Variants in PTPN13 observed in about 807,000 individuals in gnomAD.
PTPN13 encodes the protein protein tyrosine phosphatase non-receptor type 13.
PTPN13 carries 191 observed loss-of-function variants against 284.0 expected under a neutral mutation model. The observed-to-expected ratio is 0.67, with a 90% confidence interval of 0.60 to 0.76. The LOEUF (loss-of-function observed/expected upper bound fraction) is 0.76. Ranked by LOEUF, PTPN13 falls within the 30% of genes least tolerant of loss-of-function variation. The pLI, the probability that PTPN13 is intolerant of heterozygous loss-of-function variation, is 0.00. For synonymous variants in PTPN13, 986 were observed against 1,022.3 expected, an observed-to-expected ratio of 0.96 and a Z score of 0.68; for missense variants, 2,797 against 2,939.9, an observed-to-expected ratio of 0.95 and a Z score of 1.12.
At chr4:86,750,408 A>C in intron 17 of PTPN13, 62 bp from the exon 18 acceptor site, 1 of 1,389,862 alleles carries the variant, frequency 7.2e-7, no homozygotes, top group Non-Finnish European at 9.9e-7. Flanking sequence ...TTATTAACAT[A>C]ATTATTCTCA....
intron 10 of PTPN13, among the ~76,000 whole-genome samples, chr4:86,724,857 G>T (rs1734060425): frequency 6.6e-6 from 1 of 151,210 alleles, no homozygotes. Context: ...TAGGGTACAT[G>T]TGCACAACAT....
intron 5 of PTPN13, chr4:86,690,445 A>G (rs767607383): frequency 6.6e-6 from 1 of 152,178 alleles, no homozygotes; most frequent in Non-Finnish European, 1.5e-5. Context: ...CCTTTAATAT[A>G]CTAGACTATA....
At chr4:86,714,219 A>G (rs897521972) in intron 7 of PTPN13, among the ~76,000 whole-genome samples, 1 of 152,076 alleles carries the variant, frequency 6.6e-6, no homozygotes, top group African/African-American at 2.4e-5. Context: ...AATTTCTTTA[A>G]TCTTCTCAAG....
intron 7 of PTPN13, among the ~76,000 whole-genome samples, chr4:86,713,398 A>G (rs1312351129): frequency 1.3e-5 from 2 of 152,166 alleles, no homozygotes; most frequent in African/African-American, 4.8e-5. Flanking sequence ...TATTCATTCA[A>G]TTTAAATTAG....
At chr4:86,730,463 C>T (rs1268088539) in intron 10 of PTPN13, among the ~76,000 whole-genome samples, 3 of 149,798 alleles carry the variant, frequency 2.0e-5, no homozygotes, top group African/African-American at 7.3e-5. Flanking sequence ...GGGCTCCACC[C>T]ACTTCGAGGT....
At chr4:86,694,815 G>T (rs1318704731) in intron 6 of PTPN13, among the ~76,000 whole-genome samples, 1 of 151,788 alleles carries the variant, frequency 6.6e-6, no homozygotes, top group East Asian at 1.9e-4. Flanking sequence ...TAGATCTTGG[G>T]GCTAGGTAGA....
intron 35 of PTPN13, among the ~76,000 whole-genome samples, chr4:86,777,411 C>T (rs192705791): frequency 6.6e-6 from 1 of 152,288 alleles, no homozygotes; most frequent in Non-Finnish European, 1.5e-5. Flanking sequence ...CTCCCTCTTT[C>T]ACTTATTAGG....
intron 1 of PTPN13, among the ~76,000 whole-genome samples, chr4:86,634,152 A>T (rs1722763513): frequency 6.6e-6 from 1 of 152,208 alleles, no homozygotes; most frequent in Non-Finnish European, 1.5e-5. Context: ...TAGTTGAGTA[A>T]ACAAAGTCAA....
In PTPN13 at chr4:86,680,838, C is replaced by A. The variant is rs1312130230; in HGVS notation, c.295-5872C>A. On this transcript the variant is annotated intron_variant, in intron 3 of 47. Transcript: ENST00000411767. ...TTCTGGGCTTCACTTCTTTGCATGG[C>A]AATGCCTTTCTCCCTGTTTTCAGGT... Among the ~76,000 whole-genome samples, 10 of 152,192 alleles carry A rather than the reference C, an allele frequency of 6.6e-5. No individual in the cohort carries two copies. The East Asian group carries it at 1.7e-3, about 26-fold the overall frequency.
intron 1 of PTPN13, among the ~76,000 whole-genome samples, chr4:86,621,505 G>A (rs1431405284): frequency 6.6e-6 from 1 of 151,976 alleles, no homozygotes; most frequent in African/African-American, 2.4e-5. Context: ...TAACTCATTT[G>A]AATGCAAAAC....
intron 10 of PTPN13, among the ~76,000 whole-genome samples, chr4:86,722,661 A>G (rs1486890232): frequency 6.6e-6 from 1 of 152,200 alleles, no homozygotes; most frequent in Admixed American, 6.5e-5. Flanking sequence ...ATGAATTTAG[A>G]GTGTCCTAAC....
chr4:86,719,360 T>A (rs1733390968), intron 9 of PTPN13, among the ~76,000 whole-genome samples: 1 of 152,232 alleles, frequency 6.6e-6, no homozygotes, highest in Non-Finnish European at 1.5e-5. Context: ...GTACCACATT[T>A]TCTTTATACA....
intron 7 of PTPN13, among the ~76,000 whole-genome samples, chr4:86,703,034 T>C (rs1731332504): frequency 6.6e-6 from 1 of 152,170 alleles, no homozygotes; most frequent in South Asian, 2.1e-4. Flanking sequence ...AGTTTTGCTG[T>C]ACTTTGAGTA....
At position 86,774,523 on chromosome 4, in the gene PTPN13, CT is replaced by C. The variant is rs1221358422; in HGVS notation, c.5501del (p.Leu1834ProfsTer2). Reference sequence around the variant, plus strand: ...TGGAAGGCTAAAACCTGGGGACCGGCTCATAAAGGTGAGACATTTAAGAGGA... The same window carrying C: ...TGGAAGGCTAAAACCTGGGGACCGGCCATAAAGGTGAGACATTTAAGAGGA... ...SDGRLKPGDR[L>X]IKVNDTDVTN... On this transcript the variant is annotated frameshift_variant, in exon 33 of 48. Transcript: ENST00000411767. LOFTEE classifies it high-confidence loss of function. 6.3e-7 allele frequency: 1 copy of C among 1,596,532 alleles called. No individual in the cohort carries two copies. Among genetic ancestry groups the C allele is most frequent in the Non-Finnish European group, 8.5e-7 (1 of 1,171,584 alleles).
At chr4:86,754,017 C>G (rs1268637872) in intron 20 of PTPN13, among the ~76,000 whole-genome samples, 1 of 152,014 alleles carries the variant, frequency 6.6e-6, no homozygotes, top group African/African-American at 2.4e-5. Context: ...TCAAAACTGT[C>G]AAACACCAGA....
At chr4:86,608,164 C>CT (rs1216751499) in intron 1 of PTPN13, among the ~76,000 whole-genome samples, 1 of 151,866 alleles carries the variant, frequency 6.6e-6, no homozygotes, top group Non-Finnish European at 1.5e-5. Context: ...TTAATAAAAA[C>CT]TTTCATTTAA....
At position 86,773,135 on chromosome 4, in the gene PTPN13, G is replaced by T. The variant is rs1436468903; in HGVS notation, c.5349+177G>T. Among the ~76,000 whole-genome samples the T allele has an allele frequency of 3.9e-5, 6 of 152,264 alleles. No homozygotes were observed. The East Asian group carries it at 1.2e-3, about 29-fold the overall frequency. ...GAGAAATTAGGAAATAAGGCAAAAAGACCTGAGTATAAATCCTGACTCTAC... is the reference window on the plus strand; with the variant it reads ...GAGAAATTAGGAAATAAGGCAAAAATACCTGAGTATAAATCCTGACTCTAC... On this transcript the variant is annotated intron_variant, in intron 32 of 47. Transcript: ENST00000411767.
Position 86,785,341 on chromosome 4 carries a change from A to T in PTPN13, c.6229A>T (p.Asn2077Tyr). The part of the protein sequence containing the change: ...EEAQNLLNEN[N>Y]AAGYSCGPGT... ...AGCCCAGAATCTTTTAAACGAAAATAATGCAGCAGGATACTCCTGTGGTCC... is the reference window on the plus strand; with the variant it reads ...AGCCCAGAATCTTTTAAACGAAAATTATGCAGCAGGATACTCCTGTGGTCC... Residue 2077 changes from asparagine to tyrosine, a missense_variant, in exon 39 of 48, where the codon AAT becomes TAT. Asn to Tyr is a moderately radical substitution (Grantham distance 143). Transcript: ENST00000411767. 6.2e-7 allele frequency: 1 copy of T among 1,612,052 alleles called. No homozygotes were observed. Among genetic ancestry groups the T allele is most frequent in the Non-Finnish European group, 8.5e-7 (1 of 1,178,690 alleles).
In PTPN13 at chr4:86,774,453, T is replaced by G; in HGVS notation, c.5430T>G (p.Ile1810Met). Reference protein sequence around the residue: ...GFTVTKGNQRIGCYVHDVIQD... With the variant: ...GFTVTKGNQRMGCYVHDVIQD... Reference sequence around the variant, plus strand: ...CAGTAACCAAAGGCAATCAGAGAATTGGTTGTTATGTTCATGATGTCATAC... The same window carrying G: ...CAGTAACCAAAGGCAATCAGAGAATGGGTTGTTATGTTCATGATGTCATAC... Residue 1810 changes from isoleucine (I) to methionine (M), a missense_variant, in exon 33 of 48, where the codon ATT becomes ATG. Ile to Met is a conservative substitution (Grantham distance 10). Transcript: ENST00000411767. The G allele has an allele frequency of 6.2e-7, 1 of 1,605,460 alleles. No homozygotes were observed. Among genetic ancestry groups the G allele is most frequent in the Non-Finnish European group, 8.5e-7 (1 of 1,175,646 alleles).
Sources: allele counts gnomAD v4.1 joint callset (sites outside exome capture counted in the v4.1 genomes callset), GRCh38; gene constraint gnomAD v4.1.1; transcripts MANE v1.5; gene names NCBI Gene and HGNC (gene_info 2026-07-23, HGNC 2026-07-21).